SYNPR: variants seen among roughly 807,000 people sequenced by gnomAD.
SYNPR encodes the protein synaptoporin.
Under a neutral mutation model 32.9 loss-of-function variants are expected in SYNPR, and 23 were observed. The ratio of observed to expected loss-of-function variants is 0.70; its 90% CI spans 0.50 to 0.99. The LOEUF (loss-of-function observed/expected upper bound fraction) is 0.99. Among genes scored for constraint, SYNPR ranks in the 50% least tolerant of loss-of-function variants. SYNPR has a pLI of 0.00. For missense variants in SYNPR, 318 were observed against 349.3 expected (o/e 0.91, Z 0.71); for synonymous variants, 146 against 135.9 (o/e 1.07, Z -0.52).
intron 3 of SYNPR, among the ~76,000 whole-genome samples, chr3:63,482,707 C>A (rs1701071319): frequency 6.6e-6 from 1 of 152,128 alleles, no homozygotes. Flanking sequence ...ACTTTTGCCC[C>A]CATTAATGTT....
At chr3:63,328,477 G>T (rs1224929624) in intron 2 of SYNPR, among the ~76,000 whole-genome samples, 2 of 152,146 alleles carry the variant, frequency 1.3e-5, no homozygotes, top group Admixed American at 1.3e-4. Flanking sequence ...GAGTGCTCCA[G>T]GCCCCAGTTC....
At chr3:63,282,239 C>T (rs2086637236) in intron 2 of SYNPR, among the ~76,000 whole-genome samples, 1 of 152,096 alleles carries the variant, frequency 6.6e-6, no homozygotes. Flanking sequence ...TGATATCAAA[C>T]ATAAAAGACA....
intron 2 of SYNPR, among the ~76,000 whole-genome samples, chr3:63,286,066 G>C (rs1391814989): frequency 6.6e-6 from 1 of 152,158 alleles, no homozygotes; most frequent in Non-Finnish European, 1.5e-5. Context: ...GTAGAAATTT[G>C]TATCCAGACT....
At chr3:63,432,306 G>A (rs536399590) in intron 2 of SYNPR, among the ~76,000 whole-genome samples, 8 of 152,152 alleles carry the variant, frequency 5.3e-5, no homozygotes, top group South Asian at 2.1e-4. Flanking sequence ...GGACATTCTC[G>A]GGGAGAGGCA....
intron 1 of SYNPR, among the ~76,000 whole-genome samples, chr3:63,238,427 G>A (rs2086214701): frequency 6.6e-6 from 1 of 151,808 alleles, no homozygotes; most frequent in Non-Finnish European, 1.5e-5. Flanking sequence ...TTTCTCCTCA[G>A]CATTTCCTTT....
intron 2 of SYNPR, among the ~76,000 whole-genome samples, chr3:63,254,156 C>A (rs7646481): frequency 6.6e-6 from 1 of 151,800 alleles, no homozygotes; most frequent in East Asian, 1.9e-4. Flanking sequence ...CATCACACAC[C>A]GGGGCGTGTT....
At chr3:63,201,224 G>T in the SYNPR span, among the ~76,000 whole-genome samples, 28 of 152,230 alleles carry the variant, frequency 1.8e-4, no homozygotes, top group African/African-American at 6.5e-4. Flanking sequence ...TGTCTTGAGG[G>T]AAGGGGCCAT....
At chr3:63,400,436 T>G (rs982189036) in intron 2 of SYNPR, among the ~76,000 whole-genome samples, 2 of 152,252 alleles carry the variant, frequency 1.3e-5, no homozygotes, top group African/African-American at 2.4e-5. Flanking sequence ...GATGGGTTAC[T>G]CACACCAATG....
intron 2 of SYNPR, among the ~76,000 whole-genome samples, chr3:63,416,344 A>AG (rs1412409725): frequency 4.6e-5 from 7 of 152,226 alleles, no homozygotes; most frequent in African/African-American, 1.4e-4. Context: ...TAGGTTGGGC[A>AG]ACATGGTGAA....
At chr3:63,507,101 C>A (rs377044439) in intron 3 of SYNPR, among the ~76,000 whole-genome samples, 1 of 151,392 alleles carries the variant, frequency 6.6e-6, no homozygotes, top group Non-Finnish European at 1.5e-5. Context: ...CAGCCGACAT[C>A]GCACCATGGC....
chr3:63,396,988 C>T (rs1418697580), intron 2 of SYNPR, among the ~76,000 whole-genome samples: 1 of 151,690 alleles, frequency 6.6e-6, no homozygotes, highest in Non-Finnish European at 1.5e-5. Flanking sequence ...CCTGTAGTCT[C>T]AGCCACTCAG....
intron 2 of SYNPR, among the ~76,000 whole-genome samples, chr3:63,403,673 C>T (rs750703044): frequency 1.3e-5 from 2 of 152,154 alleles, no homozygotes; most frequent in African/African-American, 2.4e-5. Context: ...CTACACCCCT[C>T]AACCATCACA....
intron 1 of SYNPR, among the ~76,000 whole-genome samples, chr3:63,240,911 T>C (rs2086236809): frequency 6.6e-6 from 1 of 152,074 alleles, no homozygotes; most frequent in African/African-American, 2.4e-5. Flanking sequence ...AGACTTTGTA[T>C]TCTCCCCATT....
At chr3:63,584,044 G>A (rs1703140003) in intron 4 of SYNPR, among the ~76,000 whole-genome samples, 1 of 152,006 alleles carries the variant, frequency 6.6e-6, no homozygotes, top group East Asian at 1.9e-4. Flanking sequence ...TGGAGTGAGG[G>A]CTGGAATATT....
At chr3:63,441,819 G>A (rs1171918530) in intron 2 of SYNPR, among the ~76,000 whole-genome samples, 1 of 152,224 alleles carries the variant, frequency 6.6e-6, no homozygotes, top group Non-Finnish European at 1.5e-5. Flanking sequence ...ATGGAGGAGA[G>A]AGGGAGCTGG....
chr3:63,591,834 C>T, intron 4 of SYNPR, among the ~76,000 whole-genome samples: 1 of 144,888 alleles, frequency 6.9e-6, no homozygotes, highest in Non-Finnish European at 1.5e-5. Flanking sequence ...GGAGGGATAG[C>T]ATTGGGAGAT....
upstream of SYNPR, among the ~76,000 whole-genome samples, chr3:63,275,629 T>G (rs538258886): frequency 6.6e-6 from 1 of 152,332 alleles, no homozygotes; most frequent in African/African-American, 2.4e-5. Flanking sequence ...TAAGTCTCTT[T>G]CCCTGTATAA....
At chr3:63,367,951 G>T (rs1054704538) in intron 2 of SYNPR, among the ~76,000 whole-genome samples, 1 of 152,170 alleles carries the variant, frequency 6.6e-6, no homozygotes, top group African/African-American at 2.4e-5. Flanking sequence ...AGATTGGGTG[G>T]TAAGGATCAA....
chr3:63,403,763 C>G (rs1446821074), intron 2 of SYNPR, among the ~76,000 whole-genome samples: 4 of 152,150 alleles, frequency 2.6e-5, no homozygotes, highest in Middle Eastern at 6.8e-3. Context: ...TGGAAGGAGA[C>G]CAGGATGTAA....
Sources: allele counts gnomAD v4.1 joint callset (sites outside exome capture counted in the v4.1 genomes callset), GRCh38; gene constraint gnomAD v4.1.1; transcripts MANE v1.5; gene names NCBI Gene and HGNC (gene_info 2026-07-23, HGNC 2026-07-21).